Variants in PRR16 observed in about 807,000 individuals in gnomAD.
The protein encoded by PRR16 is proline rich 16.
In PRR16, 6 loss-of-function variants were observed where a neutral mutation model predicts 18.2. That is an observed-to-expected ratio of 0.33 (90% CI 0.18 to 0.65). The LOEUF is 0.65. Among genes scored for constraint, PRR16 ranks in the 30% least tolerant of loss-of-function variants. The pLI, the probability that PRR16 is intolerant of heterozygous loss-of-function variation, is 0.74. For synonymous variants in PRR16, 151 were observed against 147.8 expected, an observed-to-expected ratio of 1.02 and a Z score of -0.16; for missense variants, 412 against 376.6, an observed-to-expected ratio of 1.09 and a Z score of -0.78.
At chr5:120,603,527 T>C (rs1754052785) in intron 1 of PRR16, among the ~76,000 whole-genome samples, 1 of 152,082 alleles carries the variant, frequency 6.6e-6, no homozygotes, top group Non-Finnish European at 1.5e-5. Context: ...TTCATTGTTC[T>C]GTTATGTGGA....
chr5:120,700,205 T>C, the PRR16 span, among the ~76,000 whole-genome samples: 1 of 152,150 alleles, frequency 6.6e-6, no homozygotes, highest in African/African-American at 2.4e-5. Flanking sequence ...CTTGTAAGGC[T>C]TGTCTGGTTT....
chr5:120,633,239 C>A (rs1215972232), intron 1 of PRR16, among the ~76,000 whole-genome samples: 4 of 152,088 alleles, frequency 2.6e-5, no homozygotes, highest in African/African-American at 9.7e-5. Context: ...AGCTCTAAAT[C>A]CTGAAATACA....
chr5:120,754,524 ATT>A, the PRR16 span, among the ~76,000 whole-genome samples: 6 of 89,594 alleles, frequency 6.7e-5, no homozygotes, highest in African/African-American at 1.8e-4. Context: ...TATATTATAT[ATT>A]ATATAATTAT....
intron 1 of PRR16, among the ~76,000 whole-genome samples, chr5:120,650,153 GTTGCA>G (rs1476758005): frequency 1.1e-4 from 17 of 151,442 alleles, no homozygotes; most frequent in African/African-American, 4.1e-4. Context: ...GGAAGTGGAG[GTTGCA>G]GTGAGCCAAG....
rs1261843307 is a variant in PRR16 at position 120,667,286 on chromosome 5, G to C, written c.160-18668G>C. On this transcript the variant is annotated intron_variant, in intron 1 of 1. Coordinates refer to ENST00000407149, the MANE Select transcript of PRR16 (RefSeq NM_001300783.2). ...TCTGATGGTAGTTTGTATTTCTGTG[G>C]GATCAGTGGTGATATCCCCTTTATC... is the stretch of plus-strand genomic sequence containing the variant. Among the ~76,000 whole-genome samples the C allele has an allele frequency of 2.6e-5, 4 of 151,480 alleles. No individual in the cohort carries two copies. The East Asian group carries it at 5.8e-4, about 22-fold the overall frequency.
chr5:120,768,458 T>A, the PRR16 span, among the ~76,000 whole-genome samples: 12 of 151,584 alleles, frequency 7.9e-5, no homozygotes, highest in South Asian at 2.1e-4. Context: ...GGTAAAAAAA[T>A]ATATATATAG....
At chr5:120,754,019 TA>T in the PRR16 span, among the ~76,000 whole-genome samples, 81 of 128,840 alleles carry the variant, frequency 6.3e-4, 1 homozygote, top group Non-Finnish European at 4.3e-4. Flanking sequence ...ATATAATATA[TA>T]AAAGTAAAGA....
At chr5:120,654,689 C>T (rs192107604) in intron 1 of PRR16, among the ~76,000 whole-genome samples, 6 of 151,970 alleles carry the variant, frequency 3.9e-5, no homozygotes, top group African/African-American at 1.4e-4. Flanking sequence ...GAATATACTA[C>T]ATCCCTTAAA....
intron 1 of PRR16, among the ~76,000 whole-genome samples, chr5:120,624,816 G>C (rs1243059932): frequency 1.3e-5 from 2 of 152,094 alleles, no homozygotes; most frequent in Non-Finnish European, 1.5e-5. Context: ...CATGTTGTGG[G>C]AGGGACCTGG....
At chr5:120,485,310 C>T (rs1488558379) in intron 1 of PRR16, among the ~76,000 whole-genome samples, 1 of 151,978 alleles carries the variant, frequency 6.6e-6, no homozygotes, top group African/African-American at 2.4e-5. Flanking sequence ...TTGCATGATT[C>T]CAGAAAAATT....
chr5:120,503,267 A>G (rs1429889706), intron 1 of PRR16, among the ~76,000 whole-genome samples: 1 of 152,158 alleles, frequency 6.6e-6, no homozygotes, highest in Non-Finnish European at 1.5e-5. Flanking sequence ...TTGTAGAAAA[A>G]TATTTACTTA....
rs1753091562 is a variant in PRR16 at position 120,576,752 on chromosome 5, G to C, written c.160-109202G>C. On this transcript the variant is annotated intron_variant, in intron 1 of 1. Transcript: ENST00000407149. ...TTTCTAGCCTCCTGGCTTTCAGACT[G>C]GAATTTACACCATCAAGCTCTCCTG... Among the ~76,000 whole-genome samples, 5 of 152,114 alleles carry C rather than the reference G, an allele frequency of 3.3e-5. No homozygotes were observed. The South Asian group carries it at 1.0e-3, about 32-fold the overall frequency.
chr5:120,504,870 T>C (rs1390699378), intron 1 of PRR16, among the ~76,000 whole-genome samples: 1 of 152,102 alleles, frequency 6.6e-6, no homozygotes, highest in Non-Finnish European at 1.5e-5. Context: ...CCAAGGCCCA[T>C]AGTTACAGAT....
chr5:120,576,764 A>G (rs1203879568), intron 1 of PRR16, among the ~76,000 whole-genome samples: 4 of 152,002 alleles, frequency 2.6e-5, no homozygotes, highest in Non-Finnish European at 4.4e-5. Flanking sequence ...AATTTACACC[A>G]TCAAGCTCTC....
At chr5:120,739,355 T>C in the PRR16 span, among the ~76,000 whole-genome samples, 1 of 152,122 alleles carries the variant, frequency 6.6e-6, no homozygotes, top group Non-Finnish European at 1.5e-5. Context: ...AAATATTGAG[T>C]TGCTGTCAAA....
chr5:120,779,335 T>A, the PRR16 span, among the ~76,000 whole-genome samples: 1 of 152,172 alleles, frequency 6.6e-6, no homozygotes, highest in Non-Finnish European at 1.5e-5. Context: ...CAGTTCACAA[T>A]CATTATCATG....
At chr5:120,716,934 A>G in the PRR16 span, among the ~76,000 whole-genome samples, 1 of 152,132 alleles carries the variant, frequency 6.6e-6, no homozygotes, top group Admixed American at 6.5e-5. Context: ...AGTAGAATGC[A>G]GGAGTGAGTG....
intron 1 of PRR16, among the ~76,000 whole-genome samples, chr5:120,524,907 T>A (rs1246838500): frequency 6.6e-6 from 1 of 152,152 alleles, no homozygotes; most frequent in Non-Finnish European, 1.5e-5. Context: ...CATTTTTTAC[T>A]GTATTGCTCA....
chr5:120,754,006 ATT>A, the PRR16 span, among the ~76,000 whole-genome samples: 1 of 124,536 alleles, frequency 8.0e-6, no homozygotes, highest in African/African-American at 3.0e-5. Flanking sequence ...TAATATATAT[ATT>A]ATATAATATA....
Sources: allele counts gnomAD v4.1 joint callset (sites outside exome capture counted in the v4.1 genomes callset), GRCh38; gene constraint gnomAD v4.1.1; transcripts MANE v1.5; gene names NCBI Gene and HGNC (gene_info 2026-07-23, HGNC 2026-07-21).